The following MACROD2 variants were observed in gnomAD, a reference collection of about 807,000 sequenced individuals.
MACROD2 encodes mono-ADP ribosylhydrolase 2, also known as ADP-ribose glycohydrolase MACROD2.
In MACROD2, 36 loss-of-function variants were observed where a neutral mutation model predicts 70.4. That is an observed-to-expected ratio of 0.51 (90% confidence interval 0.39 to 0.68). MACROD2 has a LOEUF of 0.68. MACROD2 is among the 30% of genes least tolerant of loss of function. The pLI, the probability that MACROD2 is intolerant of heterozygous loss-of-function variation, is 0.00. For missense variants in MACROD2, 496 were observed against 538.4 expected (o/e 0.92, Z 0.78); for synonymous variants, 172 against 178.8 (o/e 0.96, Z 0.30).
chr20:15,087,416 A>C (rs1009374534), intron 5 of MACROD2, among the ~76,000 whole-genome samples: 3 of 152,072 alleles, frequency 2.0e-5, no homozygotes, highest in Non-Finnish European at 4.4e-5. Context: ...CCAAGTTTGC[A>C]TGGAAATATA....
chr20:15,231,867 A>G (rs939191097), intron 6 of MACROD2, among the ~76,000 whole-genome samples: 4 of 152,016 alleles, frequency 2.6e-5, no homozygotes, highest in African/African-American at 9.7e-5. Flanking sequence ...TATTACTTGA[A>G]TGAAATTAGC....
intron 5 of MACROD2, among the ~76,000 whole-genome samples, chr20:14,736,958 G>A (rs8114642): frequency 2.2e-3 from 336 of 151,788 alleles, no homozygotes; most frequent in African/African-American, 7.5e-3. Context: ...TTTTTTTTTA[G>A]AATTTTTAAA....
intron 14 of MACROD2, 23 bp downstream of exon 14, chr20:15,986,824 T>C: frequency 6.4e-7 from 1 of 1,554,336 alleles, no homozygotes; most frequent in Non-Finnish European, 8.9e-7. Flanking sequence ...AAATATATTG[T>C]TATCAGAGAA....
intron 3 of MACROD2, among the ~76,000 whole-genome samples, chr20:14,271,416 G>A (rs1242912753): frequency 6.6e-6 from 1 of 152,170 alleles, no homozygotes; most frequent in Non-Finnish European, 1.5e-5. Flanking sequence ...AACTCCAATA[G>A]ACCTGCAGCT....
chr20:15,856,248 C>T lies in MACROD2; in HGVS notation c.646-6497C>T, dbSNP rs2064355308. 2.0e-5 allele frequency among the ~76,000 whole-genome samples: 3 copies of T among 152,218 alleles called. 1 individual carries two copies. In the South Asian group the frequency reaches 6.2e-4, roughly 32 times the overall value. On this transcript the variant is annotated intron_variant, in intron 8 of 17. Coordinates refer to ENST00000684519, the MANE Select transcript of MACROD2 (RefSeq NM_001351661.2). ...TTTAAAAAGCTGTTAGTTTTTAATA[C>T]ATCCTAGTTTAGAGGGCATCATTGT... is the stretch of plus-strand genomic sequence containing the variant.
intron 2 of MACROD2, among the ~76,000 whole-genome samples, chr20:14,045,169 C>T (rs2053452888): frequency 6.6e-6 from 1 of 151,172 alleles, no homozygotes; most frequent in Admixed American, 6.6e-5. Flanking sequence ...CCTCTCCCTC[C>T]ACACCTCCCT....
At position 15,710,588 on chromosome 20, in the gene MACROD2, G is replaced by A. The variant is rs113950601; in HGVS notation, c.646-152157G>A. Among the ~76,000 whole-genome samples the A allele has an allele frequency of 3.0e-3, 451 of 152,268 alleles. 2 individuals are homozygous for A. Among genetic ancestry groups the A allele is most frequent in the African/African-American group, 0.01 (430 of 41,550 alleles). On this transcript the variant is annotated intron_variant, in intron 8 of 17. Transcript: ENST00000684519. ...CTCATTTTATCTCTAACAGATGTGG[G>A]CATCAAGTGTTTATGGGCGTGAAAA...
At position 15,715,294 on chromosome 20, in the gene MACROD2, C is replaced by G. The variant is rs1175285892; in HGVS notation, c.646-147451C>G. On this transcript the variant is annotated intron_variant, in intron 8 of 17. Transcript: ENST00000684519. ...TGTGATGGTGTGCAGTCTTTTAAGTCATGTCAGCAAACGTGTATTTCCAAG... is the reference window on the plus strand; with the variant it reads ...TGTGATGGTGTGCAGTCTTTTAAGTGATGTCAGCAAACGTGTATTTCCAAG... 3.3e-5 allele frequency among the ~76,000 whole-genome samples: 5 copies of G among 152,066 alleles called. No individual in the cohort carries two copies. In the South Asian group the frequency reaches 6.2e-4, roughly 19 times the overall value.
intron 8 of MACROD2, among the ~76,000 whole-genome samples, chr20:15,599,315 C>A (rs1003680749): frequency 2.0e-5 from 3 of 152,106 alleles, no homozygotes; most frequent in African/African-American, 7.2e-5. Context: ...TCGCTTGAAC[C>A]CGGGAGGCAG....
chr20:14,822,615 G>C (rs891108443), intron 5 of MACROD2, among the ~76,000 whole-genome samples: 2 of 152,032 alleles, frequency 1.3e-5, no homozygotes, highest in African/African-American at 4.8e-5. Context: ...TTTAAGTGAG[G>C]CATCTGAATA....
chr20:15,769,178 C>G (rs1323856155), intron 8 of MACROD2, among the ~76,000 whole-genome samples: 1 of 152,212 alleles, frequency 6.6e-6, no homozygotes, highest in Non-Finnish European at 1.5e-5. Context: ...GACGGAGTCT[C>G]ACTCTCTCAC....
intron 10 of MACROD2, among the ~76,000 whole-genome samples, chr20:15,924,823 G>C (rs1568644562): frequency 6.6e-6 from 1 of 152,290 alleles, no homozygotes; most frequent in East Asian, 1.9e-4. Context: ...CATCTTGCCA[G>C]TTCTGTATTT....
chr20:14,953,059 C>T (rs1001943891), intron 5 of MACROD2, among the ~76,000 whole-genome samples: 2 of 151,824 alleles, frequency 1.3e-5, no homozygotes, highest in African/African-American at 4.8e-5. Flanking sequence ...GTCAGACTTT[C>T]AGTAAAAGCA....
At chr20:15,922,357 A>T (rs1374706201) in intron 10 of MACROD2, among the ~76,000 whole-genome samples, 2 of 152,250 alleles carry the variant, frequency 1.3e-5, no homozygotes, top group Admixed American at 1.3e-4. Context: ...TATTTTACTT[A>T]ACCCAATAGA....
At chr20:15,410,432 T>C (rs532784920) in intron 6 of MACROD2, among the ~76,000 whole-genome samples, 1 of 152,358 alleles carries the variant, frequency 6.6e-6, no homozygotes, top group South Asian at 2.1e-4. Flanking sequence ...TCATCTCTCA[T>C]GGCTGCTCCT....
chr20:14,495,965 T>C (rs763385552), intron 4 of MACROD2, among the ~76,000 whole-genome samples: 4 of 152,218 alleles, frequency 2.6e-5, no homozygotes, highest in Non-Finnish European at 5.9e-5. Context: ...ATTTATGCAC[T>C]TCTGGAGATG....
chr20:15,303,713 A>G (rs1215203818), intron 6 of MACROD2, among the ~76,000 whole-genome samples: 4 of 152,204 alleles, frequency 2.6e-5, no homozygotes, highest in African/African-American at 9.7e-5. Context: ...TAACATTCTC[A>G]CTGGCCTTGG....
intron 4 of MACROD2, among the ~76,000 whole-genome samples, chr20:14,542,151 G>A (rs1255643658): frequency 1.3e-5 from 2 of 152,178 alleles, no homozygotes; most frequent in Non-Finnish European, 2.9e-5. Context: ...GCTGAATGTG[G>A]GTGTGTTGAC....
intron 3 of MACROD2, among the ~76,000 whole-genome samples, chr20:14,186,883 G>C (rs1242492056): frequency 6.6e-6 from 1 of 152,116 alleles, no homozygotes; most frequent in African/African-American, 2.4e-5. Flanking sequence ...TTTATAAGTA[G>C]GTGCTAAACA....
Sources: gnomAD v4.1 joint callset for allele counts (sites outside exome capture counted in the v4.1 genomes callset) on GRCh38, gnomAD v4.1.1 for gene constraint, MANE v1.5 for transcripts, NCBI Gene and HGNC (gene_info 2026-07-23, HGNC 2026-07-21) for gene names.